The following WWTR1 variants were observed in gnomAD, a reference collection of about 807,000 sequenced individuals.
WWTR1 encodes WW domain-containing transcription regulator protein 1.
A neutral mutation model predicts 40.1 loss-of-function variants in WWTR1; 13 were observed. The observed-to-expected ratio is 0.32, with a 90% CI of 0.21 to 0.52. WWTR1 has a LOEUF of 0.52. WWTR1 is among the 20% of genes least tolerant of loss of function. The probability of loss-of-function intolerance (pLI) is 0.97; values close to 1 mark genes in which losing one functional copy is unlikely to be tolerated. For synonymous variants in WWTR1, 230 were observed against 210.1 expected, an observed-to-expected ratio of 1.09 and a Z score of -0.82; for missense variants, 436 against 523.1, an observed-to-expected ratio of 0.83 and a Z score of 1.63.
chr3:149,593,890 G>A (rs7619550), intron 2 of WWTR1, among the ~76,000 whole-genome samples: 11,038 of 152,062 alleles, frequency 0.073, 912 homozygotes, highest in East Asian at 0.33. Context: ...TCTCTACTTC[G>A]TGCTTCCTTT....
intron 1 of WWTR1, among the ~76,000 whole-genome samples, chr3:149,671,543 C>T (rs1220777006): frequency 2.0e-5 from 3 of 152,112 alleles, no homozygotes; most frequent in African/African-American, 7.2e-5. Flanking sequence ...AATATTACAT[C>T]GTATGTTTGA....
chr3:149,610,555 C>A lies in WWTR1; in HGVS notation c.432-37555G>T, dbSNP rs576516275. On this transcript the variant is annotated intron_variant, in intron 2 of 6. Coordinates refer to ENST00000360632, the MANE Select transcript of WWTR1 (RefSeq NM_015472.6). ...TCTCACACAGTATAAATAAAGAATTCTTTGAGTTGTAAATAGTAGTTGCTC... is the reference window on the plus strand; with the variant it reads ...TCTCACACAGTATAAATAAAGAATTATTTGAGTTGTAAATAGTAGTTGCTC... Among the ~76,000 whole-genome samples the A allele has an allele frequency of 3.9e-5, 6 of 152,302 alleles. No homozygotes were observed. The East Asian group carries it at 7.7e-4, about 20-fold the overall frequency.
chr3:149,614,814 C>T (rs1739890734), intron 2 of WWTR1, among the ~76,000 whole-genome samples: 1 of 152,064 alleles, frequency 6.6e-6, no homozygotes, highest in Non-Finnish European at 1.5e-5. Flanking sequence ...GAAACCCTGT[C>T]TCTACTAATA....
chr3:149,524,327 G>T (rs1048860736), intron 6 of WWTR1, among the ~76,000 whole-genome samples: 8 of 139,288 alleles, frequency 5.7e-5, no homozygotes, highest in African/African-American at 1.3e-4. Context: ...CTCTTTTATG[G>T]TTTTTTTTTT....
chr3:149,674,788 G>A (rs1405246350), intron 1 of WWTR1, among the ~76,000 whole-genome samples: 1 of 148,680 alleles, frequency 6.7e-6, no homozygotes, highest in African/African-American at 2.5e-5. Flanking sequence ...ACACGTCCAT[G>A]TTTTCTAGTC....
At chr3:149,613,906 C>T (rs888677403) in intron 2 of WWTR1, among the ~76,000 whole-genome samples, 1 of 151,392 alleles carries the variant, frequency 6.6e-6, no homozygotes, top group African/African-American at 2.4e-5. Context: ...AAAATCCACA[C>T]TCACGGTGAA....
At chr3:149,636,520 T>A (rs1342067868) in intron 2 of WWTR1, among the ~76,000 whole-genome samples, 1 of 152,196 alleles carries the variant, frequency 6.6e-6, no homozygotes. Context: ...AAAAACTGAT[T>A]TTTTAGAATT....
In WWTR1 at chr3:149,574,241, T is replaced by C. The variant is rs1206977693; in HGVS notation, c.432-1241A>G. Among the ~76,000 whole-genome samples, 8 of 152,234 alleles carry C rather than the reference T, an allele frequency of 5.3e-5. No homozygotes were observed. The South Asian group carries it at 1.5e-3, about 28-fold the overall frequency. On this transcript the variant is annotated intron_variant, in intron 2 of 6. Coordinates refer to ENST00000360632, the MANE Select transcript of WWTR1 (RefSeq NM_015472.6). ...TTTTGTAGAGGTGGGTGTCTCCTTATGTTGCCCAGGCTGGTCTCGAACTCC... is the reference window on the plus strand; with the variant it reads ...TTTTGTAGAGGTGGGTGTCTCCTTACGTTGCCCAGGCTGGTCTCGAACTCC...
chr3:149,517,875 T>C lies in WWTR1; in HGVS notation c.*2930A>G, dbSNP rs1734857263. The C allele has an allele frequency of 6.6e-6, 1 of 152,218 alleles. No individual in the cohort carries two copies. The highest frequency in any genetic ancestry group is 1.5e-5 in the Non-Finnish European group (1 of 68,030). The allele number at this position is 152,218 out of a possible 1,614,324, so 9.4% of individuals were successfully genotyped here. A position where few individuals can be genotyped will look rare whatever the true frequency, so the allele number is the denominator to read the frequency against. On this transcript the variant is annotated 3_prime_UTR_variant, in exon 7 of 7. Coordinates refer to ENST00000360632, the MANE Select transcript of WWTR1 (RefSeq NM_015472.6). ...ATCTCTGAAATTATTTTTCATTTGA[T>C]ACGCCTTTTCTGTGACAAAATTTTG...
At chr3:149,585,046 G>T (rs545451545) in intron 2 of WWTR1, among the ~76,000 whole-genome samples, 2 of 151,664 alleles carry the variant, frequency 1.3e-5, no homozygotes, top group African/African-American at 4.8e-5. Context: ...ATAGTACAAT[G>T]AACACAAGAA....
chr3:149,655,113 G>A (rs556960488), intron 2 of WWTR1, among the ~76,000 whole-genome samples: 15 of 149,976 alleles, frequency 1.0e-4, no homozygotes, highest in Admixed American at 2.7e-4. Flanking sequence ...GCGACAGAGC[G>A]AGACTCCATC....
chr3:149,637,458 T>C (rs377056325), intron 2 of WWTR1, among the ~76,000 whole-genome samples: 1 of 152,050 alleles, frequency 6.6e-6, no homozygotes, highest in African/African-American at 2.4e-5. Flanking sequence ...CTTGAACTCC[T>C]AACCTCAGGT....
intron 2 of WWTR1, among the ~76,000 whole-genome samples, chr3:149,647,289 C>T (rs1237884725): frequency 2.0e-5 from 3 of 152,084 alleles, no homozygotes; most frequent in Admixed American, 6.5e-5. Context: ...TATTTATTAC[C>T]TCTTTAAAAA....
chr3:149,544,912 T>C (rs1405867818), intron 3 of WWTR1, among the ~76,000 whole-genome samples: 1 of 152,144 alleles, frequency 6.6e-6, no homozygotes, highest in Non-Finnish European at 1.5e-5. Context: ...AGGGAAGATA[T>C]CAGTGTATAT....
intron 1 of WWTR1, among the ~76,000 whole-genome samples, chr3:149,693,772 G>A (rs1264024586): frequency 2.6e-5 from 4 of 151,924 alleles, no homozygotes; most frequent in African/African-American, 9.7e-5. Flanking sequence ...AAATAATGAT[G>A]GGAAAACTGG....
intron 2 of WWTR1, among the ~76,000 whole-genome samples, chr3:149,588,949 G>A (rs1193835397): frequency 2.0e-5 from 3 of 152,170 alleles, no homozygotes; most frequent in Admixed American, 1.3e-4. Context: ...AGGCACAAAA[G>A]GGGGAAAAAT....
At chr3:149,657,427 G>C (rs1713316338) in intron 1 of WWTR1, 118 bp from the exon 2 acceptor site, 2 of 1,233,926 alleles carry the variant, frequency 1.6e-6, no homozygotes, top group Non-Finnish European at 2.2e-6. Context: ...GAAACGAGGA[G>C]ACAGATAATT....
At chr3:149,708,545 G>T (rs530691938) in intron 5 of WWTR1, among the ~76,000 whole-genome samples, 2 of 152,088 alleles carry the variant, frequency 1.3e-5, no homozygotes, top group East Asian at 3.9e-4. Flanking sequence ...ACCACTCTAG[G>T]TATCTCATAT....
At chr3:149,566,483 A>T (rs968257874) in intron 3 of WWTR1, among the ~76,000 whole-genome samples, 10 of 152,186 alleles carry the variant, frequency 6.6e-5, no homozygotes, top group Admixed American at 6.5e-4. Flanking sequence ...AAAGTTCCAA[A>T]AGCAGTGAGA....
Sources: gnomAD v4.1 joint callset for allele counts (sites outside exome capture counted in the v4.1 genomes callset) on GRCh38, gnomAD v4.1.1 for gene constraint, MANE v1.5 for transcripts, NCBI Gene and HGNC (gene_info 2026-07-23, HGNC 2026-07-21) for gene names.